The following KRT28 variants were observed in gnomAD, a reference collection of about 807,000 sequenced individuals.
KRT28 encodes the protein keratin, type I cytoskeletal 28.
KRT28 carries 45 observed loss-of-function variants against 48.1 expected under a neutral mutation model. The ratio of observed to expected loss-of-function variants is 0.94; its 90% CI spans 0.74 to 1.20. The LOEUF (loss-of-function observed/expected upper bound fraction) is 1.20, where lower values mean the gene tolerates loss of function less well. Ranked by LOEUF, KRT28 falls within the 50% of genes most tolerant of loss-of-function variation. The pLI is 0.00. For missense variants in KRT28, 571 were observed against 574.1 expected, an observed-to-expected ratio of 0.99 and a Z score of 0.06; for synonymous variants, 228 against 227.4, an observed-to-expected ratio of 1.00 and a Z score of -0.03.
At position 40,797,109 on chromosome 17, in the gene KRT28, G is replaced by C; in HGVS notation, c.852+11C>G. ...GGGGAGGTGTGAGCAGGGAGACGGG[G>C]CCCACCTCACCTTCTCATTGAACCA... On this transcript the variant is annotated intron_variant, in intron 4 of 7. Transcript: ENST00000306658. 4.3e-6 allele frequency: 7 copies of C among 1,613,194 alleles called. No individual in the cohort carries two copies. Among genetic ancestry groups the C allele is most frequent in the South Asian group, 2.2e-5 (2 of 90,974 alleles).
At chr17:40,796,784 T>C in intron 5 of KRT28, 132 bp downstream of exon 5, 1 of 1,221,706 alleles carries the variant, frequency 8.2e-7, no homozygotes. Flanking sequence ...TTTTTCCTGC[T>C]CTCCTCCACT....
In KRT28 at chr17:40,798,883, T is replaced by G. The variant is rs1159312755; in HGVS notation, c.533+34A>C. The stretch of plus-strand genomic sequence containing the variant: ...TTAACAAATTAAATAAATAGAAACT[T>G]TTTTCTAGAGCAGGATTTTCTTCTG... On this transcript the variant is annotated intron_variant, in intron 2 of 7. Transcript: ENST00000306658. 4.2e-6 allele frequency: 6 copies of G among 1,412,694 alleles called. No individual in the cohort carries two copies. The Admixed American group carries it at 1.1e-4, about 27-fold the overall frequency. The allele number at this position is 1,412,694 out of a possible 1,614,324, so 87.5% of individuals were successfully genotyped here.
chr17:40,798,364 T>G lies in KRT28; in HGVS notation c.561A>C (p.Gln187His), dbSNP rs567294554. The change falls in exon 3 of 8, where the codon CAA becomes CAC. Residue 187 changes from glutamine to histidine, a missense_variant. Transcript: ENST00000306658. ...ATCCGTTGATGTCGGCCTCTACGTT[T>G]TGGTGAAGGGTGAGCTCATTTTCAT... ...LKYENELTLH[Q>H]NVEADINGLR... 6.2e-7 allele frequency: 1 copy of G among 1,611,110 alleles called. No homozygotes were observed. The highest frequency in any genetic ancestry group is 8.5e-7 in the Non-Finnish European group (1 of 1,178,312).
chr17:40,795,352 T>C (rs1164453085), intron 5 of KRT28, among the ~76,000 whole-genome samples: 1 of 152,250 alleles, frequency 6.6e-6, no homozygotes. Flanking sequence ...TATTCCTTTT[T>C]ATGATTGCTA....
intron 5 of KRT28, among the ~76,000 whole-genome samples, chr17:40,795,485 C>T (rs371065226): frequency 2.0e-5 from 3 of 152,058 alleles, no homozygotes; most frequent in African/African-American, 4.8e-5. Flanking sequence ...AGGAAGCAAA[C>T]GTGAACATTT....
At chr17:40,793,099 CA>C (rs1567688675) in intron 7 of KRT28, 55 bp downstream of exon 7, 6 of 1,250,142 alleles carry the variant, frequency 4.8e-6, no homozygotes, top group East Asian at 2.7e-5. Flanking sequence ...GACTCTGTCT[CA>C]AAAAAATTTA....
In KRT28 at chr17:40,798,243, G is replaced by C. The variant is rs542616219; in HGVS notation, c.682C>G (p.His228Asp). The change falls in exon 3 of 8, where the codon CAC becomes GAC. Residue 228 changes from histidine to aspartate, a missense_variant. By Grantham distance (81) the His-to-Asp change is moderately conservative. Coordinates refer to ENST00000306658, the MANE Select transcript of KRT28 (RefSeq NM_181535.3). Reference sequence around the variant, plus strand: ...GGTAAAGCTTCTCCTACCTCTTCGTGGTTCTTTTTGAGATATGTCATCTCC... The same window carrying C: ...GGTAAAGCTTCTCCTACCTCTTCGTCGTTCTTTTTGAGATATGTCATCTCC... ...SEEMTYLKKN[H>D]EEEMKALQCA... 2.3e-5 allele frequency: 37 copies of C among 1,603,528 alleles called. No homozygotes were observed. Among genetic ancestry groups the C allele is most frequent in the Non-Finnish European group, 3.2e-5 (37 of 1,171,104 alleles).
At chr17:40,797,870 A>G (rs1198149131) in intron 3 of KRT28, among the ~76,000 whole-genome samples, 1 of 152,234 alleles carries the variant, frequency 6.6e-6, no homozygotes, top group East Asian at 1.9e-4. Flanking sequence ...TGAGAAAGGG[A>G]TTTAAAGACC....
intron 3 of KRT28, among the ~76,000 whole-genome samples, chr17:40,797,608 G>C (rs1904646892): frequency 6.6e-6 from 1 of 152,104 alleles, no homozygotes; most frequent in African/African-American, 2.4e-5. Flanking sequence ...AATTAGCCAG[G>C]CTTGGTGGTG....
Position 40,798,297 on chromosome 17 carries a change from G to A in KRT28, c.628C>T (p.Gln210Ter). The change falls in exon 3 of 8, where the codon CAG becomes TAG. Residue 210 changes from glutamine (Q) to a stop codon, truncating the protein, a stop_gained. Coordinates refer to ENST00000306658, the MANE Select transcript of KRT28 (RefSeq NM_181535.3). LOFTEE classifies it high-confidence loss of function. ...LDELTLCRTDQELQYESLSEE... is the reference protein window; with the variant it reads ...LDELTLCRTD ...CTCAGAGACTCATATTGCAGCTCCT[G>A]GTCGGTCCTGCAGAGCGTCAGCTCG... 2 of 1,613,260 alleles carry A rather than the reference G, an allele frequency of 1.2e-6. No individual in the cohort carries two copies. Among genetic ancestry groups the A allele is most frequent in the Non-Finnish European group, 1.7e-6 (2 of 1,179,396 alleles).
chr17:40,793,106 A>T, intron 7 of KRT28, 49 bp downstream of exon 7: 2 of 1,330,408 alleles, frequency 1.5e-6, no homozygotes, highest in South Asian at 2.7e-5. Context: ...TCTCAAAAAA[A>T]TTTAAAAAAA....
chr17:40,793,897 G>A lies in KRT28; in HGVS notation c.1128C>T (p.Leu376=), dbSNP rs543722149. Residue 376 remains leucine (L), a synonymous_variant, in exon 6 of 8, where the codon CTC becomes CTT. Transcript: ENST00000306658. ...TEGQKLEYEH[L]LDVKVHLEKE... ...TTTCCAAGTGGACCTTGACATCGAGGAGATGCTCATACTCCAGCTTCTGGC... is the reference window on the plus strand; with the variant it reads ...TTTCCAAGTGGACCTTGACATCGAGAAGATGCTCATACTCCAGCTTCTGGC... 9 of 1,613,952 alleles carry A rather than the reference G, an allele frequency of 5.6e-6. No individual in the cohort carries two copies. Among genetic ancestry groups the A allele is most frequent in the Admixed American group, 3.3e-5 (2 of 60,014 alleles).
chr17:40,792,388 G>A lies in KRT28; in HGVS notation c.*39C>T, dbSNP rs368101168. 2 of 1,563,280 alleles carry A rather than the reference G, an allele frequency of 1.3e-6. No individual in the cohort carries two copies. Among genetic ancestry groups the A allele is most frequent in the African/African-American group, 1.4e-5 (1 of 73,336 alleles). On this transcript the variant is annotated 3_prime_UTR_variant, in exon 8 of 8. Coordinates refer to ENST00000306658, the MANE Select transcript of KRT28 (RefSeq NM_181535.3). ...ATATTTAGAATAATGCAATTGTACA[G>A]GATCCTTTCCCAAATTATTCTTTTC...
chr17:40,799,658 C>T lies in KRT28; in HGVS notation c.236G>A (p.Gly79Glu), dbSNP rs758877586. 9.9e-6 allele frequency: 16 copies of T among 1,614,152 alleles called. No homozygotes were observed. Among genetic ancestry groups the T allele is most frequent in the South Asian group, 7.7e-5 (7 of 91,074 alleles). The change falls in exon 1 of 8, where the codon GGG becomes GAG. Residue 79 changes from glycine to glutamate, a missense_variant. Coordinates refer to ENST00000306658, the MANE Select transcript of KRT28 (RefSeq NM_181535.3). ...AACIGFAGSEGGLLSGNEKVT... is the reference protein window; with the variant it reads ...AACIGFAGSEEGLLSGNEKVT... The stretch of plus-strand genomic sequence containing the variant: ...CTTCTCATTTCCAGAGAGGAGTCCC[C>T]CTTCGCTTCCAGCAAAGCCAATACA...
Position 40,798,401 on chromosome 17 carries a change from C to T in KRT28, c.534-10G>A. ...GAGCTCATTTTCATACCTTGGGGGG[C>T]ATTTAAGTGAATTTCAGTGCCAGTA... On this transcript the variant is annotated splice_polypyrimidine_tract_variant and intron_variant, in intron 2 of 7. Transcript: ENST00000306658. 6.3e-7 allele frequency: 1 copy of T among 1,589,456 alleles called. No homozygotes were observed.
In KRT28 at chr17:40,799,765, A is replaced by T. The variant is rs777181545; in HGVS notation, c.129T>A (p.Ser43Arg). The T allele has an allele frequency of 2.5e-6, 4 of 1,613,964 alleles. No homozygotes were observed. Among genetic ancestry groups the T allele is most frequent in the Non-Finnish European group, 3.4e-6 (4 of 1,179,974 alleles). The change falls in exon 1 of 8, where the codon AGT becomes AGA. Residue 43 changes from serine (S) to arginine (R), a missense_variant. Coordinates refer to ENST00000306658, the MANE Select transcript of KRT28 (RefSeq NM_181535.3). The stretch of plus-strand genomic sequence containing the variant: ...CCCCTCCCAAGGCACAGGAAAATTC[A>T]CTTCCAGCAACAGAGCCACCACATG... ...SSACGGSVAG[S>R]EFSCALGGGL...
rs1226829355 is a variant in KRT28, at chr17:40,798,344, T to C, written c.581A>G (p.Asn194Ser). 4 of 1,612,980 alleles carry C rather than the reference T, an allele frequency of 2.5e-6. No individual in the cohort carries two copies. The highest frequency in any genetic ancestry group is 3.4e-6 in the Non-Finnish European group (4 of 1,179,432). Residue 194 changes from asparagine to serine, a missense_variant, in exon 3 of 8, where the codon AAC becomes AGC. By Grantham distance (46) the Asn-to-Ser change is conservative. Transcript: ENST00000306658. ...TLHQNVEADI[N>S]GLRRVLDELT... The stretch of plus-strand genomic sequence containing the variant: ...CTCGTCCAGGACTCGCCGTAATCCG[T>C]TGATGTCGGCCTCTACGTTTTGGTG...
chr17:40,794,255 C>T (rs1014239492), intron 5 of KRT28, among the ~76,000 whole-genome samples: 3 of 152,070 alleles, frequency 2.0e-5, no homozygotes, highest in African/African-American at 7.2e-5. Context: ...GGATAAATGG[C>T]CCTTTTCCCA....
rs1567692227 is a variant in KRT28 at position 40,798,267 on chromosome 17, C to T, written c.658G>A (p.Glu220Lys). Reference sequence around the variant, plus strand: ...TGGTTCTTTTTGAGATATGTCATCTCCTCACTCAGAGACTCATATTGCAGC... The same window carrying T: ...TGGTTCTTTTTGAGATATGTCATCTTCTCACTCAGAGACTCATATTGCAGC... ...QELQYESLSEEMTYLKKNHEE... is the reference protein window; with the variant it reads ...QELQYESLSEKMTYLKKNHEE... The change falls in exon 3 of 8, where the codon GAG becomes AAG. Residue 220 changes from glutamate (E) to lysine (K), a missense_variant. Glu to Lys is a moderately conservative substitution (Grantham distance 56). Transcript: ENST00000306658. 3 of 1,610,802 alleles carry T rather than the reference C, an allele frequency of 1.9e-6. No individual in the cohort carries two copies. Among genetic ancestry groups the T allele is most frequent in the Non-Finnish European group, 1.7e-6 (2 of 1,177,208 alleles).
Sources: gnomAD v4.1 joint callset for allele counts (sites outside exome capture counted in the v4.1 genomes callset) on GRCh38, gnomAD v4.1.1 for gene constraint, MANE v1.5 for transcripts, NCBI Gene and HGNC (gene_info 2026-07-23, HGNC 2026-07-21) for gene names.